Variants in STPG1 observed in about 807,000 individuals in gnomAD.
The protein encoded by STPG1 is sperm tail PG-rich repeat containing 1.
STPG1 carries 33 observed loss-of-function variants against 40.1 expected under a neutral mutation model. The observed-to-expected ratio is 0.82, with a 90% CI of 0.62 to 1.10. The LOEUF (loss-of-function observed/expected upper bound fraction) is 1.10, where lower values mean the gene tolerates loss of function less well. STPG1 is among the 50% of genes least tolerant of loss of function. STPG1 has a pLI of 0.00. For synonymous variants in STPG1, 150 were observed against 155.0 expected (o/e 0.97, Z 0.24); for missense variants, 396 against 415.1 (o/e 0.95, Z 0.40).
rs748596179 is a variant in STPG1 at position 24,359,328 on chromosome 1, A to G, written c.929-709T>C. On this transcript the variant is annotated intron_variant, in intron 8 of 8. Coordinates refer to ENST00000337248, the MANE Select transcript of STPG1 (RefSeq NM_001199013.2). This position sits in a 1 kb window ranked among gnomAD's most constrained non-coding sequence, Gnocchi z 5.3. Reference sequence around the variant, plus strand: ...TACGGCATGGAAAAGTCATTCGGGCAATGCTTCCAGAGGATGTGGTAGAGC... The same window carrying G: ...TACGGCATGGAAAAGTCATTCGGGCGATGCTTCCAGAGGATGTGGTAGAGC... 1.3e-5 allele frequency among the ~76,000 whole-genome samples: 2 copies of G among 152,238 alleles called. No individual in the cohort carries two copies. The highest frequency in any genetic ancestry group is 2.9e-5 in the Non-Finnish European group (2 of 68,038).
intron 1 of STPG1, among the ~76,000 whole-genome samples, chr1:24,404,629 T>A (rs1237700673): frequency 1.3e-5 from 2 of 152,222 alleles, no homozygotes; most frequent in Non-Finnish European, 2.9e-5. Context: ...CTATTTCTTC[T>A]TAACCGAGCT....
chr1:24,391,211 A>T (rs1642757329), intron 3 of STPG1: 3 of 159,342 alleles, frequency 1.9e-5, no homozygotes. Context: ...GATGGGGAAG[A>T]TTTTTTTTTA....
chr1:24,375,699 C>T (rs1641990905), intron 5 of STPG1, among the ~76,000 whole-genome samples: 1 of 152,200 alleles, frequency 6.6e-6, no homozygotes, highest in African/African-American at 2.4e-5. Flanking sequence ...TGCATTTCTA[C>T]TCCTCACCAG....
intron 3 of STPG1, among the ~76,000 whole-genome samples, chr1:24,385,026 T>C (rs768481386): frequency 6.6e-5 from 10 of 152,170 alleles, no homozygotes; most frequent in Non-Finnish European, 1.5e-4. Flanking sequence ...AGCTAGTAAG[T>C]GGCAAACCCC....
At chr1:24,362,366 G>GA (rs1641178237) in intron 7 of STPG1, among the ~76,000 whole-genome samples, 1 of 152,174 alleles carries the variant, frequency 6.6e-6, no homozygotes, top group African/African-American at 2.4e-5. Context: ...TAGCAATATG[G>GA]AGAAAGCATG....
In STPG1 at chr1:24,384,022, T is replaced by C. The variant is rs760473987; in HGVS notation, c.190-19A>G. 4.0e-6 allele frequency: 6 copies of C among 1,492,690 alleles called. No homozygotes were observed. The African/African-American group carries it at 8.3e-5, about 21-fold the overall frequency. The allele number at this position is 1,492,690 out of a possible 1,614,324, so 92.5% of individuals were successfully genotyped here. A position where few individuals can be genotyped will look rare whatever the true frequency, so the allele number is the denominator to read the frequency against. ...TATCATTCTGAAAGGGAAGAGAAGGTGGTGTCATCGAGATACTTCAATTCC... is the reference window on the plus strand; with the variant it reads ...TATCATTCTGAAAGGGAAGAGAAGGCGGTGTCATCGAGATACTTCAATTCC... On this transcript the variant is annotated intron_variant, in intron 3 of 8. Coordinates refer to ENST00000337248, the MANE Select transcript of STPG1 (RefSeq NM_001199013.2).
At chr1:24,363,297 T>G (rs1641241875) in intron 7 of STPG1, among the ~76,000 whole-genome samples, 2 of 152,342 alleles carry the variant, frequency 1.3e-5, no homozygotes, top group Admixed American at 6.5e-5. Flanking sequence ...CTCAGAACCT[T>G]CAGCCTAGCA....
chr1:24,411,682 A>G (rs1450912829), intron 1 of STPG1: 1 of 152,168 alleles, frequency 6.6e-6, no homozygotes, highest in Non-Finnish European at 1.5e-5. Context: ...GCCTCAAGTG[A>G]TCTTCTCACC....
chr1:24,375,232 T>C (rs1474085478), intron 5 of STPG1, among the ~76,000 whole-genome samples: 1 of 152,178 alleles, frequency 6.6e-6, no homozygotes, highest in Non-Finnish European at 1.5e-5. Flanking sequence ...ACGTGAATCA[T>C]AAATATTTTA....
At chr1:24,414,382 T>A (rs1430506343), upstream of STPG1, 3 of 135,840 alleles carry the variant, frequency 2.2e-5, no homozygotes, top group Non-Finnish European at 3.2e-5. Context: ...AAAAAAAAAA[T>A]TGACATGGGC....
intron 1 of STPG1, among the ~76,000 whole-genome samples, chr1:24,411,274 G>C (rs753808268): frequency 9.2e-5 from 14 of 152,158 alleles, no homozygotes; most frequent in South Asian, 2.1e-4. Flanking sequence ...GGGGGGTTAA[G>C]TGACTTGCCC....
chr1:24,391,934 C>G, intron 2 of STPG1: 1 of 1,172,362 alleles, frequency 8.5e-7, no homozygotes, highest in Non-Finnish European at 1.1e-6. Flanking sequence ...CTTAAACAGG[C>G]TGTCCCGGAG....
At chr1:24,386,365 C>T (rs1642503850) in intron 3 of STPG1, among the ~76,000 whole-genome samples, 1 of 152,238 alleles carries the variant, frequency 6.6e-6, no homozygotes, top group Non-Finnish European at 1.5e-5. Flanking sequence ...GAATGGAGTG[C>T]TGCCTGTTTG....
intron 2 of STPG1, among the ~76,000 whole-genome samples, chr1:24,400,758 A>G (rs146935458): frequency 1.3e-5 from 2 of 152,296 alleles, no homozygotes; most frequent in African/African-American, 4.8e-5. Context: ...ACACTAGCAA[A>G]ACCAAAGGGA....
At chr1:24,378,378 G>A (rs952698566) in intron 5 of STPG1, among the ~76,000 whole-genome samples, 2 of 152,212 alleles carry the variant, frequency 1.3e-5, no homozygotes, top group African/African-American at 4.8e-5. Context: ...GCTCCCGCCT[G>A]TAATCCCAGC....
chr1:24,396,232 A>G (rs1642992871), intron 2 of STPG1, among the ~76,000 whole-genome samples: 1 of 152,020 alleles, frequency 6.6e-6, no homozygotes, highest in African/African-American at 2.4e-5. Flanking sequence ...TCTAAGGGCC[A>G]GATAGTACAT....
At chr1:24,364,628 C>G in intron 7 of STPG1, 1 of 478,374 alleles carries the variant, frequency 2.1e-6, no homozygotes, top group Admixed American at 4.6e-5. Flanking sequence ...TAAAGGAGCC[C>G]AGGCATCTGA....
chr1:24,385,583 G>A (rs1027015229), intron 3 of STPG1, among the ~76,000 whole-genome samples: 2 of 152,196 alleles, frequency 1.3e-5, no homozygotes, highest in African/African-American at 4.8e-5. Flanking sequence ...GACTTTACAT[G>A]TACTATTAGC....
intron 8 of STPG1, 87 bp downstream of exon 8, chr1:24,360,764 T>C (rs1641051448): frequency 8.0e-7 from 1 of 1,247,206 alleles, no homozygotes; most frequent in Non-Finnish European, 1.1e-6. Flanking sequence ...GGAAACAACC[T>C]ATAAATCAAT....
Sources: allele counts gnomAD v4.1 joint callset (sites outside exome capture counted in the v4.1 genomes callset), GRCh38; gene constraint gnomAD v4.1.1; non-coding constraint Gnocchi (gnomAD v3.1); transcripts MANE v1.5; gene names NCBI Gene and HGNC (gene_info 2026-07-23, HGNC 2026-07-21).